The following OCIAD1 variants were observed in gnomAD, a reference collection of about 807,000 sequenced individuals.
The protein encoded by OCIAD1 is OCIA domain-containing protein 1.
OCIAD1 carries 29 observed loss-of-function variants against 38.9 expected under a neutral mutation model. The observed-to-expected ratio is 0.74, with a 90% confidence interval of 0.55 to 1.02. OCIAD1 has a LOEUF of 1.02. OCIAD1 is among the 50% of genes least tolerant of loss of function. OCIAD1 has a pLI of 0.00. For synonymous variants in OCIAD1, 110 were observed against 92.0 expected, an observed-to-expected ratio of 1.20 and a Z score of -1.12; for missense variants, 288 against 289.6, an observed-to-expected ratio of 0.99 and a Z score of 0.04.
chr4:48,818,694 T>A (rs1477212541), intron 1 of OCIAD1, among the ~76,000 whole-genome samples: 1 of 152,118 alleles, frequency 6.6e-6, no homozygotes, highest in Non-Finnish European at 1.5e-5. Flanking sequence ...TTACAGGAAC[T>A]GCTAACTAGA....
chr4:48,811,076 C>G (rs1777085173), intron 1 of OCIAD1, among the ~76,000 whole-genome samples: 1 of 151,946 alleles, frequency 6.6e-6, no homozygotes, highest in African/African-American at 2.4e-5. Context: ...AGGCTGGTCT[C>G]AAACTCTTGA....
intron 1 of OCIAD1, among the ~76,000 whole-genome samples, chr4:48,811,307 A>G (rs2109487606): frequency 6.6e-6 from 1 of 152,264 alleles, no homozygotes; most frequent in East Asian, 1.9e-4. Flanking sequence ...GTTAAAATCC[A>G]AGTCAGATAG....
At chr4:48,815,477 T>C (rs967174382) in intron 1 of OCIAD1, among the ~76,000 whole-genome samples, 4 of 152,228 alleles carry the variant, frequency 2.6e-5, no homozygotes, top group African/African-American at 9.6e-5. Flanking sequence ...TGGAATGACC[T>C]GCAAAACCTG....
At chr4:48,833,561 A>G in intron 3 of OCIAD1, 80 bp downstream of exon 3, 1 of 869,572 alleles carries the variant, frequency 1.1e-6, no homozygotes, top group Non-Finnish European at 1.9e-6. Flanking sequence ...ACCTGAAATT[A>G]TAATAACTCC....
chr4:48,812,019 C>T (rs1777093510), intron 1 of OCIAD1, among the ~76,000 whole-genome samples: 1 of 152,018 alleles, frequency 6.6e-6, no homozygotes. Context: ...CACAGTGGCT[C>T]ATGCCTGTAA....
upstream of OCIAD1, among the ~76,000 whole-genome samples, chr4:48,826,722 CA>C (rs1777255795): frequency 6.6e-6 from 1 of 152,086 alleles, no homozygotes; most frequent in Non-Finnish European, 1.5e-5. Flanking sequence ...ATCATAAAAG[CA>C]AAAACCCAAA....
chr4:48,829,731 G>A (rs1031453488), upstream of OCIAD1, among the ~76,000 whole-genome samples: 1 of 152,162 alleles, frequency 6.6e-6, no homozygotes, highest in Non-Finnish European at 1.5e-5. Flanking sequence ...GGGCCCAGAA[G>A]TAAATTAGCT....
At chr4:48,833,680 C>G (rs1329594214) in intron 3 of OCIAD1, among the ~76,000 whole-genome samples, 199 bp downstream of exon 3, 1 of 152,110 alleles carries the variant, frequency 6.6e-6, no homozygotes, top group Admixed American at 6.5e-5. Context: ...AGATTTTTAA[C>G]AAAACCATGA....
intron 1 of OCIAD1, chr4:48,805,463 A>G (rs1420927408): frequency 2.6e-5 from 4 of 152,238 alleles, no homozygotes; most frequent in Admixed American, 2.6e-4. Flanking sequence ...GCAATGGATA[A>G]CTAATACAGG....
Position 48,861,803 on chromosome 4 carries a change from T to C in OCIAD1, c.*1041T>C, listed in dbSNP as rs1046907315. On this transcript the variant is annotated 3_prime_UTR_variant, in exon 9 of 9. Coordinates refer to ENST00000264312, the MANE Select transcript of OCIAD1 (RefSeq NM_017830.4). ...TTGTAAATTCTAAAACAATAAAAAT[T>C]TGGTATACATCACAGAGACTGATAT... 6 of 152,110 alleles carry C rather than the reference T, an allele frequency of 3.9e-5. No homozygotes were observed. The highest frequency in any genetic ancestry group is 1.4e-4 in the African/African-American group (6 of 41,412). 9.4% of individuals were successfully genotyped at this position (152,110 alleles called of 1,614,324 possible).
intron 1 of OCIAD1, among the ~76,000 whole-genome samples, chr4:48,814,039 C>T (rs908993909): frequency 2.6e-5 from 4 of 152,112 alleles, no homozygotes; most frequent in East Asian, 1.9e-4. Context: ...GACCCAGCTG[C>T]AAAATTCAAA....
chr4:48,825,233 G>T (rs192110752), intron 1 of OCIAD1, among the ~76,000 whole-genome samples: 3 of 152,156 alleles, frequency 2.0e-5, no homozygotes, highest in Admixed American at 6.6e-5. Context: ...CCTGCCTGGG[G>T]CCCCAGTCCT....
intron 3 of OCIAD1, among the ~76,000 whole-genome samples, chr4:48,839,541 G>A (rs1427799262): frequency 6.6e-6 from 1 of 152,044 alleles, no homozygotes; most frequent in Non-Finnish European, 1.5e-5. Context: ...CCTGAGGTCT[G>A]TGCTATACTT....
intron 1 of OCIAD1, among the ~76,000 whole-genome samples, chr4:48,805,599 AC>A (rs1777016010): frequency 6.6e-6 from 1 of 152,022 alleles, no homozygotes; most frequent in Admixed American, 6.6e-5. Context: ...GGGGAGGATC[AC>A]TTGAGCCTGG....
At chr4:48,852,745 A>G (rs1042644945) in intron 7 of OCIAD1, among the ~76,000 whole-genome samples, 6 of 152,232 alleles carry the variant, frequency 3.9e-5, no homozygotes, top group African/African-American at 9.6e-5. Context: ...AATAGACTCA[A>G]AAAACATTAG....
chr4:48,843,164 G>C (rs1778682896), intron 4 of OCIAD1, among the ~76,000 whole-genome samples: 1 of 152,178 alleles, frequency 6.6e-6, no homozygotes, highest in Non-Finnish European at 1.5e-5. Context: ...AATCTCAGGG[G>C]TCTGGCAGGT....
rs764250103 is a variant in OCIAD1 at position 48,833,396 on chromosome 4, A to G, written c.59-5A>G. On this transcript the variant is annotated splice_region_variant and splice_polypyrimidine_tract_variant and intron_variant, in intron 2 of 8. Coordinates refer to ENST00000264312, the MANE Select transcript of OCIAD1 (RefSeq NM_017830.4). ...TAATGTTTTCTGATTTTCCCTGGTA[A>G]AAAGACATAGGGCCTGATTACATTC... 3.9e-6 allele frequency: 6 copies of G among 1,550,906 alleles called. No homozygotes were observed. Among genetic ancestry groups the G allele is most frequent in the Non-Finnish European group, 5.3e-6 (6 of 1,132,352 alleles).
chr4:48,814,484 GA>G (rs149829377), intron 1 of OCIAD1, among the ~76,000 whole-genome samples: 1,951 of 152,162 alleles, frequency 0.013, 43 homozygotes, highest in African/African-American at 0.045. Context: ...ATTGGAGATA[GA>G]GCTGGAATTA....
chr4:48,859,391 G>A (rs1328271610), intron 8 of OCIAD1, among the ~76,000 whole-genome samples: 3 of 152,098 alleles, frequency 2.0e-5, no homozygotes, highest in Admixed American at 6.6e-5. Flanking sequence ...TGTAAGCTCT[G>A]TGAGGGCAGA....
Sources: gnomAD v4.1 joint callset for allele counts (sites outside exome capture counted in the v4.1 genomes callset) on GRCh38, gnomAD v4.1.1 for gene constraint, MANE v1.5 for transcripts, NCBI Gene and HGNC (gene_info 2026-07-23, HGNC 2026-07-21) for gene names.